Variants in TRIM66 observed in about 807,000 individuals in gnomAD.
The protein encoded by TRIM66 is tripartite motif containing 66.
Under a neutral mutation model 148.2 loss-of-function variants are expected in TRIM66, and 99 were observed. That is an observed-to-expected ratio of 0.67 (90% confidence interval 0.57 to 0.79). The LOEUF (loss-of-function observed/expected upper bound fraction) is 0.79, where lower values mean the gene tolerates loss of function less well. TRIM66 is among the 30% of genes least tolerant of loss of function. The pLI is 0.00. For synonymous variants in TRIM66, 616 were observed against 635.9 expected, an observed-to-expected ratio of 0.97 and a Z score of 0.47; for missense variants, 1,666 against 1,697.9, an observed-to-expected ratio of 0.98 and a Z score of 0.33.
chr11:8,660,817 A>T (rs2038197891), intron 6 of TRIM66, among the ~76,000 whole-genome samples: 1 of 152,224 alleles, frequency 6.6e-6, no homozygotes, highest in African/African-American at 2.4e-5. Context: ...GGATGTTTCA[A>T]GCAAGAAAAG....
At chr11:8,638,048 C>T (rs2036043071) in intron 15 of TRIM66, among the ~76,000 whole-genome samples, 1 of 152,214 alleles carries the variant, frequency 6.6e-6, no homozygotes, top group Non-Finnish European at 1.5e-5. Context: ...CAAGAGATCT[C>T]TGTGTCTCAG....
At chr11:8,642,314 A>G (rs2036466988) in intron 13 of TRIM66, among the ~76,000 whole-genome samples, 1 of 152,220 alleles carries the variant, frequency 6.6e-6, no homozygotes, top group Non-Finnish European at 1.5e-5. Context: ...GAAAGAGGGA[A>G]GAAAAGAAAT....
intron 15 of TRIM66, among the ~76,000 whole-genome samples, chr11:8,629,121 C>A (rs978628947): frequency 1.3e-5 from 2 of 152,138 alleles, no homozygotes; most frequent in Admixed American, 1.3e-4. Context: ...GCTTAAGGGA[C>A]CAAGGCCAAA....
At position 8,638,703 on chromosome 11, in the gene TRIM66, G is replaced by A. The variant is rs2036109994; in HGVS notation, c.2261C>T (p.Pro754Leu). The change falls in exon 15 of 25, where the codon CCC becomes CTC. Residue 754 changes from proline to leucine, a missense_variant. Physicochemically the swap from Pro to Leu is moderately conservative, Grantham distance 98. Transcript: ENST00000646038. Reference sequence around the variant, plus strand: ...GTGCTGGATGGTGCTGTCCACTGGGGGGACACTGAGAGGGGTTTCTTCCCC... The same window carrying A: ...GTGCTGGATGGTGCTGTCCACTGGGAGGACACTGAGAGGGGTTTCTTCCCC... Reference protein sequence around the residue: ...ASGEETPLSVPPVDSTIQHSS... With the variant: ...ASGEETPLSVLPVDSTIQHSS... The A allele has an allele frequency of 6.5e-7, 1 of 1,549,672 alleles. No homozygotes were observed. The highest frequency in any genetic ancestry group is 1.4e-5 in the African/African-American group (1 of 72,922).
chr11:8,679,070 C>A (rs150074840), intron 3 of TRIM66: 1 of 152,208 alleles, frequency 6.6e-6, no homozygotes, highest in Non-Finnish European at 1.5e-5. Context: ...GAGAAGGACA[C>A]CCCTCAGGAG....
chr11:8,619,255 A>G, intron 23 of TRIM66, 128 bp downstream of exon 23: 1 of 1,099,072 alleles, frequency 9.1e-7, no homozygotes, highest in Non-Finnish European at 1.3e-6. Flanking sequence ...TCACCACAGC[A>G]GGCCCCCAGA....
chr11:8,682,643 C>T lies in TRIM66; in HGVS notation c.-590G>A. 1.4e-6 allele frequency: 1 copy of T among 736,690 alleles called. No homozygotes were observed. The highest frequency in any genetic ancestry group is 2.4e-6 in the Non-Finnish European group (1 of 415,570). 45.6% of individuals were successfully genotyped at this position (736,690 alleles called of 1,614,324 possible). A position where few individuals can be genotyped will look rare whatever the true frequency, so the allele number is the denominator to read the frequency against. On this transcript the variant is annotated 5_prime_UTR_variant, in exon 1 of 25. Coordinates refer to ENST00000646038, the MANE Select transcript of TRIM66 (RefSeq NM_001388022.1). Reference sequence around the variant, plus strand: ...ACCAGGACACTCCGTGATGGGGGATCACCACCCTCAGAAAGAGGAAGCGAC... The same window carrying T: ...ACCAGGACACTCCGTGATGGGGGATTACCACCCTCAGAAAGAGGAAGCGAC...
chr11:8,682,740 G>A, upstream of TRIM66: 2 of 1,603,216 alleles, frequency 1.2e-6, no homozygotes, highest in Non-Finnish European at 1.7e-6. Flanking sequence ...GAAGTGAGGC[G>A]TTTTGCCCCG....
chr11:8,642,016 C>T lies in TRIM66; in HGVS notation c.1223-864G>A, dbSNP rs540956023. ...TAAACCTCTTTTCTTTATAAATTACCCAGTCTCAGGTATTTCTTCACAATA... is the reference window on the plus strand; with the variant it reads ...TAAACCTCTTTTCTTTATAAATTACTCAGTCTCAGGTATTTCTTCACAATA... On this transcript the variant is annotated intron_variant, in intron 13 of 24. Coordinates refer to ENST00000646038, the MANE Select transcript of TRIM66 (RefSeq NM_001388022.1). 7.9e-5 allele frequency among the ~76,000 whole-genome samples: 12 copies of T among 152,222 alleles called. No homozygotes were observed. The South Asian group carries it at 2.3e-3, about 29-fold the overall frequency.
At chr11:8,636,192 G>A (rs1292641460) in intron 15 of TRIM66, among the ~76,000 whole-genome samples, 1 of 151,630 alleles carries the variant, frequency 6.6e-6, no homozygotes, top group Non-Finnish European at 1.5e-5. Flanking sequence ...AGCTCAAATG[G>A]ACAGCTTTAA....
chr11:8,619,383 A>C lies in TRIM66; in HGVS notation c.3900T>G (p.Tyr1300Ter), dbSNP rs1355990957. Residue 1300 changes from tyrosine to a stop codon, truncating the protein, a stop_gained and splice_region_variant, in exon 23 of 25, where the codon TAT (tyrosine) becomes TAG (stop). Transcript: ENST00000646038. LOFTEE classifies it high-confidence loss of function. Reference protein sequence around the residue: ...LMFWNCAKFNYPDSEVAEAGR... With the variant: ...LMFWNCAKFN ...GAGAGGGAAAACAGGCAAGACATACATAATTGAACTTAGCACAGTTCCAGA... is the reference window on the plus strand; with the variant it reads ...GAGAGGGAAAACAGGCAAGACATACCTAATTGAACTTAGCACAGTTCCAGA... 1.3e-6 allele frequency: 2 copies of C among 1,500,662 alleles called. No homozygotes were observed. Among genetic ancestry groups the C allele is most frequent in the Non-Finnish European group, 1.8e-6 (2 of 1,122,708 alleles). The allele number at this position is 1,500,662 out of a possible 1,614,324, so 93.0% of individuals were successfully genotyped here.
chr11:8,627,844 G>C (rs2035001891), intron 15 of TRIM66, among the ~76,000 whole-genome samples: 1 of 152,116 alleles, frequency 6.6e-6, no homozygotes, highest in African/African-American at 2.4e-5. Context: ...TTGTTTTTCT[G>C]AACAGGGTCT....
chr11:8,620,411 G>A (rs1272641669), intron 21 of TRIM66, 35 bp downstream of exon 21: 9 of 1,550,444 alleles, frequency 5.8e-6, no homozygotes, highest in Non-Finnish European at 7.9e-6. Flanking sequence ...GGCTGCCAAA[G>A]GCAGGGAACC....
At chr11:8,618,112 A>G (rs1334882460) in intron 24 of TRIM66, 109 bp from the exon 25 acceptor site, 2 of 1,079,338 alleles carry the variant, frequency 1.9e-6, no homozygotes, top group Non-Finnish European at 1.4e-6. Flanking sequence ...ATTTTATTCT[A>G]CCCTAGGAAT....
At position 8,619,429 on chromosome 11, in the gene TRIM66, A is replaced by G. The variant is rs1193041224; in HGVS notation, c.3854T>C (p.Val1285Ala). ...PAHYTTPEEV[V>A]SDVRLMFWNC... ...CCAGAACATGAGGCGCACATCTGAT[A>G]CCACCTCCTCTGGGGTGGTATAGTG... Residue 1285 changes from valine to alanine, a missense_variant, in exon 23 of 25, where the codon GTA becomes GCA. Physicochemically the swap from Val to Ala is moderately conservative, Grantham distance 64. This residue lies in a region of TRIM66 where 204 missense variants were observed against 231.0 expected (regional missense o/e 0.88). Coordinates refer to ENST00000646038, the MANE Select transcript of TRIM66 (RefSeq NM_001388022.1). The G allele has an allele frequency of 1.9e-6, 3 of 1,541,232 alleles. No homozygotes were observed. The highest frequency in any genetic ancestry group is 1.2e-5 in the South Asian group (1 of 81,932).
rs577838428 is a variant in TRIM66 at position 8,628,636 on chromosome 11, A to AGAG, written c.2311-3409_2311-3408insCTC. ...TCAAAAAAAAAAAAAAAAAAAAAAA[A>AGAG]AGAGAGAGAATCCAGATCTTTGGTA... On this transcript the variant is annotated intron_variant, in intron 15 of 24. Transcript: ENST00000646038. Among the ~76,000 whole-genome samples, 4 of 93,340 alleles carry AGAG rather than the reference A, an allele frequency of 4.3e-5. No individual in the cohort carries two copies. The Admixed American group carries it at 4.8e-4, about 11-fold the overall frequency. 61.2% of individuals were successfully genotyped at this position (93,340 alleles called of 152,430 possible).
Position 8,618,858 on chromosome 11 carries a change from T to G in TRIM66, c.4011A>C (p.Ser1337=), listed in dbSNP as rs1421278056. ...TCTCACTAGACACCTCCTCGGAGTC[T>G]GAGTCCTCCTGCCTTGGCTGGGCAA... ...KRFAQPRQED[S]DSEEVSSESG... is the part of the protein sequence containing the mutation. The change falls in exon 24 of 25, where the codon TCA becomes TCC. Residue 1337 remains serine, a synonymous_variant. Coordinates refer to ENST00000646038, the MANE Select transcript of TRIM66 (RefSeq NM_001388022.1). 2 of 1,551,482 alleles carry G rather than the reference T, an allele frequency of 1.3e-6. No individual in the cohort carries two copies.
At chr11:8,668,046 A>G (rs2133453499) in intron 6 of TRIM66, among the ~76,000 whole-genome samples, 1 of 152,174 alleles carries the variant, frequency 6.6e-6, no homozygotes, top group South Asian at 2.1e-4. Context: ...AAATATTCCA[A>G]TTTCTCTACA....
chr11:8,632,195 C>G (rs1024980067), intron 15 of TRIM66, among the ~76,000 whole-genome samples: 1 of 152,098 alleles, frequency 6.6e-6, no homozygotes, highest in Non-Finnish European at 1.5e-5. Context: ...GCAGTCTCAG[C>G]TACTCAGGAG....
Sources: allele counts gnomAD v4.1 joint callset (sites outside exome capture counted in the v4.1 genomes callset), GRCh38; gene constraint gnomAD v4.1.1; regional missense constraint gnomAD v4.1.1; transcripts MANE v1.5; gene names NCBI Gene and HGNC (gene_info 2026-07-23, HGNC 2026-07-21).